Variants in ECT2 observed in about 807,000 individuals in gnomAD.
ECT2 encodes epithelial cell transforming 2.
Under a neutral mutation model 116.9 loss-of-function variants are expected in ECT2, and 61 were observed. The ratio of observed to expected loss-of-function variants is 0.52; its 90% CI spans 0.42 to 0.65. The LOEUF (loss-of-function observed/expected upper bound fraction) is 0.65. ECT2 is among the 30% of genes least tolerant of loss of function. The pLI, the probability that ECT2 is intolerant of heterozygous loss-of-function variation, is 0.00. For synonymous variants in ECT2, 358 were observed against 346.4 expected (o/e 1.03, Z -0.37); for missense variants, 937 against 1,078.7 (o/e 0.87, Z 1.84).
intron 22 of ECT2, among the ~76,000 whole-genome samples, chr3:172,811,441 C>T (rs1198780508): frequency 1.3e-5 from 2 of 152,126 alleles, no homozygotes; most frequent in Non-Finnish European, 2.9e-5. Context: ...TTCACCCTTT[C>T]AGTCATTCTG....
At chr3:172,776,021 T>A (rs11917933) in intron 14 of ECT2, among the ~76,000 whole-genome samples, 9,333 of 152,242 alleles carry the variant, frequency 0.061, 967 homozygotes, top group African/African-American at 0.21. Flanking sequence ...ACACCCTTCT[T>A]TGACAAAATG....
chr3:172,772,439 G>A (rs13079680), intron 13 of ECT2, among the ~76,000 whole-genome samples: 8 of 152,060 alleles, frequency 5.3e-5, no homozygotes, highest in South Asian at 2.1e-4. Flanking sequence ...CTCGCGATCC[G>A]CCCACCTCGG....
At chr3:172,813,619 G>A (rs1274899753) in intron 22 of ECT2, among the ~76,000 whole-genome samples, 1 of 152,008 alleles carries the variant, frequency 6.6e-6, no homozygotes, top group Non-Finnish European at 1.5e-5. Context: ...CCATTTTTAA[G>A]TATATAGTTC....
Position 172,817,037 on chromosome 3 carries a change from T to C in ECT2, c.2655+200T>C, listed in dbSNP as rs1729843609. Among the ~76,000 whole-genome samples, 4 of 152,138 alleles carry C rather than the reference T, an allele frequency of 2.6e-5. 1 individual carries two copies. The highest frequency in any genetic ancestry group is 2.6e-4 in the Admixed American group (4 of 15,252). ...TGAGATATTTTCATTCTTTCTTATG[T>C]ACTAAGTCTTAAAAATGTGGGGTGC... On this transcript the variant is annotated intron_variant, in intron 24 of 24. Transcript: ENST00000392692.
At chr3:172,768,882 G>T in intron 12 of ECT2, 125 bp from the exon 13 acceptor site, 1 of 1,134,434 alleles carries the variant, frequency 8.8e-7, no homozygotes, top group Non-Finnish European at 1.2e-6. Context: ...ATTTTTTATT[G>T]GAAATCTGTA....
chr3:172,800,307 A>G (rs1726485094), intron 18 of ECT2, among the ~76,000 whole-genome samples: 1 of 152,202 alleles, frequency 6.6e-6, no homozygotes, highest in Non-Finnish European at 1.5e-5. Flanking sequence ...GGTTTTACTT[A>G]ATAGTTGCTA....
chr3:172,806,118 C>A, intron 21 of ECT2: 1 of 309,710 alleles, frequency 3.2e-6, no homozygotes, highest in African/African-American at 2.1e-5. Flanking sequence ...GGTCAAAGAG[C>A]TTTTAAATGG....
downstream of ECT2, among the ~76,000 whole-genome samples, chr3:172,822,001 G>A (rs1046676156): frequency 3.3e-5 from 5 of 151,844 alleles, no homozygotes; most frequent in Admixed American, 2.6e-4. Flanking sequence ...TGTAAAATTA[G>A]GATTCTGTAT....
chr3:172,776,699 A>G (rs559540034), intron 14 of ECT2, among the ~76,000 whole-genome samples: 48 of 152,294 alleles, frequency 3.2e-4, no homozygotes, highest in Non-Finnish European at 6.3e-4. Context: ...TTGCTTCTTT[A>G]AAATCATGCT....
chr3:172,789,057 CA>C lies in ECT2; in HGVS notation c.1907+2501del, dbSNP rs71162310. On this transcript the variant is annotated intron_variant, in intron 18 of 24. Transcript: ENST00000392692. ...TGGATGACAGAGCAAGACTCTGTCT[CA>C]AAAAAAAAAAAAAAAAAGCTAACAA... Among the ~76,000 whole-genome samples, 124 of 99,514 alleles carry C rather than the reference CA, an allele frequency of 1.2e-3. 1 individual carries two copies. The highest frequency in any genetic ancestry group is 2.5e-3 in the African/African-American group (56 of 22,052). 65.3% of individuals were successfully genotyped at this position (99,514 alleles called of 152,430 possible).
chr3:172,755,086 C>T (rs1716689897), intron 2 of ECT2, among the ~76,000 whole-genome samples: 1 of 151,176 alleles, frequency 6.6e-6, no homozygotes, highest in Non-Finnish European at 1.5e-5. Context: ...GTTTGTATAC[C>T]CTGCTACAAT....
At chr3:172,756,683 C>T (rs959994789) in intron 4 of ECT2, among the ~76,000 whole-genome samples, 1 of 152,008 alleles carries the variant, frequency 6.6e-6, no homozygotes, top group Non-Finnish European at 1.5e-5. Flanking sequence ...GGAACTTATG[C>T]ATACTTGATG....
chr3:172,809,218 T>C (rs1485256282), intron 22 of ECT2, among the ~76,000 whole-genome samples: 1 of 152,142 alleles, frequency 6.6e-6, no homozygotes, highest in Non-Finnish European at 1.5e-5. Flanking sequence ...TCCAAACTTA[T>C]AACCCTAATA....
chr3:172,772,384 G>C (rs1006103600), intron 13 of ECT2, among the ~76,000 whole-genome samples: 1 of 152,144 alleles, frequency 6.6e-6, no homozygotes, highest in Non-Finnish European at 1.5e-5. Flanking sequence ...TTTTAGTAGA[G>C]ATGGGGTTTC....
At chr3:172,757,189 C>T (rs1348640310) in intron 5 of ECT2, 24 bp downstream of exon 5, 1 of 1,391,830 alleles carries the variant, frequency 7.2e-7, no homozygotes, top group African/African-American at 1.5e-5. Flanking sequence ...TTTATTATGA[C>T]TTTTCAAGTT....
In ECT2 at chr3:172,797,264, G is replaced by T. The variant is rs182731189; in HGVS notation, c.1908-5352G>T. Among the ~76,000 whole-genome samples the T allele has an allele frequency of 1.5e-4, 23 of 151,754 alleles. No individual in the cohort carries two copies. The East Asian group carries it at 3.5e-3, about 23-fold the overall frequency. On this transcript the variant is annotated intron_variant, in intron 18 of 24. Coordinates refer to ENST00000392692, the MANE Select transcript of ECT2 (RefSeq NM_001258315.2). ...TGCCCAAGCTGGTCTCAAACTCCAG[G>T]GTTCAAGCAATCCACCGGCCTAGGT... is the stretch of plus-strand genomic sequence containing the variant.
chr3:172,816,260 TG>T (rs904723405), intron 23 of ECT2, among the ~76,000 whole-genome samples: 2 of 152,000 alleles, frequency 1.3e-5, no homozygotes, highest in African/African-American at 2.4e-5. Context: ...TTTCCCTTGG[TG>T]GGGGGGCTTT....
chr3:172,805,688 T>G lies in ECT2; in HGVS notation c.2107-43T>G, dbSNP rs776813300. 1.0e-5 allele frequency: 16 copies of G among 1,588,404 alleles called. No individual in the cohort carries two copies. In the South Asian group the frequency reaches 1.8e-4, roughly 18 times the overall value. Reference sequence around the variant, plus strand: ...TATTTTTTAAGTATTTGGTCCTTTTTCTTCATTTTATTGACTGATACTTTT... The same window carrying G: ...TATTTTTTAAGTATTTGGTCCTTTTGCTTCATTTTATTGACTGATACTTTT... On this transcript the variant is annotated intron_variant, in intron 20 of 24. Coordinates refer to ENST00000392692, the MANE Select transcript of ECT2 (RefSeq NM_001258315.2).
the ECT2 span, among the ~76,000 whole-genome samples, chr3:172,828,386 A>G: frequency 1.4e-5 from 2 of 147,660 alleles, no homozygotes; most frequent in Non-Finnish European, 2.9e-5. Flanking sequence ...AACGTGACTA[A>G]TTGTTTCTAA....
Sources: gnomAD v4.1 joint callset for allele counts (sites outside exome capture counted in the v4.1 genomes callset) on GRCh38, gnomAD v4.1.1 for gene constraint, MANE v1.5 for transcripts, NCBI Gene and HGNC (gene_info 2026-07-23, HGNC 2026-07-21) for gene names.